Variants in FOXRED1 observed in about 807,000 individuals in gnomAD.
The protein encoded by FOXRED1 is FAD-dependent oxidoreductase domain-containing protein 1.
Under a neutral mutation model 57.8 loss-of-function variants are expected in FOXRED1, and 52 were observed. That is an observed-to-expected ratio of 0.90 (90% CI 0.72 to 1.13). The LOEUF is 1.13. FOXRED1 is among the 50% of genes most tolerant of loss of function. The pLI is 0.00. For synonymous variants in FOXRED1, 271 were observed against 248.3 expected (o/e 1.09, Z -0.86); for missense variants, 589 against 625.2 (o/e 0.94, Z 0.62).
chr11:126,269,680 A>G (rs888842678), intron 1 of FOXRED1, among the ~76,000 whole-genome samples: 2 of 152,084 alleles, frequency 1.3e-5, no homozygotes, highest in Admixed American at 6.5e-5. Flanking sequence ...GAAAATTTCA[A>G]TAGACAGTAG....
At chr11:126,276,651 G>A (rs1951157159) in intron 9 of FOXRED1, 128 bp downstream of exon 9, 6 of 988,158 alleles carry the variant, frequency 6.1e-6, no homozygotes, top group Non-Finnish European at 7.7e-6. Context: ...CAAGGCAGGT[G>A]GATCACCTGA....
rs760417338 is a variant in FOXRED1, at chr11:126,271,494, G to A, written c.143G>A (p.Arg48Lys). The part of the protein sequence containing the change: ...KKKIKSILPG[R>K]SCDLLQDTSH... ...AAGATCAAGTCGATCCTGCCTGGAA[G>A]GTCCTGTGATCTACTGCAAGACACC... Residue 48 changes from arginine (R) to lysine (K), a missense_variant, in exon 2 of 11, where the codon AGG (arginine) becomes AAG (lysine). Transcript: ENST00000263578. The surrounding 1 kb of genome is among the most constrained non-coding windows in gnomAD (Gnocchi z 5.3). The A allele has an allele frequency of 4.3e-6, 7 of 1,614,102 alleles. No individual in the cohort carries two copies. In the Admixed American group the frequency reaches 1.0e-4, roughly 23 times the overall value.
Position 126,271,723 on chromosome 11 carries a change from C to G in FOXRED1, c.306+66C>G, listed in dbSNP as rs762604255. 3.3e-4 allele frequency: 427 copies of G among 1,305,548 alleles called. 1 individual carries two copies. The highest frequency in any genetic ancestry group is 2.3e-4 in the Non-Finnish European group (204 of 905,542). 80.9% of individuals were successfully genotyped at this position (1,305,548 alleles called of 1,614,324 possible). ...AAGATGACTCATTTTATTAAGGACT[C>G]TAGCGACAAGGGAAGGAGAGGAGGG... On this transcript the variant is annotated intron_variant, in intron 2 of 10. Coordinates refer to ENST00000263578, the MANE Select transcript of FOXRED1 (RefSeq NM_017547.4). This position sits in a 1 kb window ranked among gnomAD's most constrained non-coding sequence, Gnocchi z 5.3.
rs755681660 is a variant in FOXRED1, at chr11:126,273,320, T to C, written c.418-16T>C. ...CCTTAAGTCAGTTTCTTTCAGGAGC[T>C]TCTGTCTGCACACAGGAGTACCTGG... On this transcript the variant is annotated splice_polypyrimidine_tract_variant and intron_variant, in intron 3 of 10. Coordinates refer to ENST00000263578, the MANE Select transcript of FOXRED1 (RefSeq NM_017547.4). The surrounding 1 kb of genome is among the most constrained non-coding windows in gnomAD (Gnocchi z 5.9). The C allele has an allele frequency of 2.1e-5, 33 of 1,575,184 alleles. 1 individual carries two copies. In the Admixed American group the frequency reaches 5.5e-4, roughly 26 times the overall value.
Position 126,271,540 on chromosome 11 carries a change from C to T in FOXRED1, c.189C>T (p.His63=). The part of the protein sequence containing the change: ...LQDTSHLPPE[H]SDVVIVGGGV... The stretch of plus-strand genomic sequence containing the variant: ...ACACCAGCCACCTGCCTCCCGAGCA[C>T]TCGGATGTGGTGATCGTGGGAGGTG... Residue 63 remains histidine, a synonymous_variant, in exon 2 of 11, where the codon CAC becomes CAT. Coordinates refer to ENST00000263578, the MANE Select transcript of FOXRED1 (RefSeq NM_017547.4). The surrounding 1 kb of genome is among the most constrained non-coding windows in gnomAD (Gnocchi z 5.3). 1 of 1,614,204 alleles carries T rather than the reference C, an allele frequency of 6.2e-7. No individual in the cohort carries two copies. The highest frequency in any genetic ancestry group is 8.5e-7 in the Non-Finnish European group (1 of 1,180,028).
Position 126,269,327 on chromosome 11 carries a change from G to C in FOXRED1, c.85+36G>C, listed in dbSNP as rs566573657. On this transcript the variant is annotated intron_variant, in intron 1 of 10. Transcript: ENST00000263578. ...GGACGACAGAGGGTATTGTGGTTCT[G>C]GGTTGTCCCCAACCTCCGACTGTGT... The C allele has an allele frequency of 1.4e-5, 23 of 1,613,988 alleles. No individual in the cohort carries two copies. The South Asian group carries it at 2.5e-4, about 18-fold the overall frequency.
chr11:126,276,101 G>A lies in FOXRED1; in HGVS notation c.853G>A (p.Ala285Thr). 13 of 1,612,798 alleles carry A rather than the reference G, an allele frequency of 8.1e-6. No individual in the cohort carries two copies. The highest frequency in any genetic ancestry group is 1.1e-5 in the South Asian group (1 of 91,056). The change falls in exon 8 of 11, where the codon GCC becomes ACC. Residue 285 changes from alanine to threonine, a missense_variant. Physicochemically the swap from Ala to Thr is moderately conservative, Grantham distance 58 (BLOSUM62 0). Coordinates refer to ENST00000263578, the MANE Select transcript of FOXRED1 (RefSeq NM_017547.4). ...RSLEYQPVEC[A>T]IVINAAGAWS... ...CCTGGAGTACCAGCCTGTGGAATGCGCCATTGTGATCAACGCAGCCGGAGC... is the reference window on the plus strand; with the variant it reads ...CCTGGAGTACCAGCCTGTGGAATGCACCATTGTGATCAACGCAGCCGGAGC...
In FOXRED1 at chr11:126,271,887, T is replaced by G. The variant is rs1009612636; in HGVS notation, c.306+230T>G. On this transcript the variant is annotated intron_variant, in intron 2 of 10. Coordinates refer to ENST00000263578, the MANE Select transcript of FOXRED1 (RefSeq NM_017547.4). The surrounding 1 kb of genome is among the most constrained non-coding windows in gnomAD (Gnocchi z 5.3). ...TCTTTTGAAAGCAGATATCACCATATTGGATTTTTCGAGATCTCATAGCTC... is the reference window on the plus strand; with the variant it reads ...TCTTTTGAAAGCAGATATCACCATAGTGGATTTTTCGAGATCTCATAGCTC... 5 of 541,530 alleles carry G rather than the reference T, an allele frequency of 9.2e-6. No homozygotes were observed. Among genetic ancestry groups the G allele is most frequent in the African/African-American group, 7.6e-5 (4 of 52,746 alleles). 33.5% of individuals were successfully genotyped at this position (541,530 alleles called of 1,614,324 possible).
rs1400137510 is a variant in FOXRED1, at chr11:126,275,497, C to T, written c.733+69C>T. On this transcript the variant is annotated intron_variant, in intron 6 of 10. Coordinates refer to ENST00000263578, the MANE Select transcript of FOXRED1 (RefSeq NM_017547.4). This position sits in a 1 kb window ranked among gnomAD's most constrained non-coding sequence, Gnocchi z 5.9. ...AGACTAGGTCTTATCTTCTCACTCA[C>T]AAGCTAAGCAAGGGCTGGAGGGGGA... The T allele has an allele frequency of 3.5e-6, 4 of 1,131,552 alleles. No individual in the cohort carries two copies. Among genetic ancestry groups the T allele is most frequent in the Non-Finnish European group, 5.4e-6 (4 of 741,456 alleles). 70.1% of individuals were successfully genotyped at this position (1,131,552 alleles called of 1,614,324 possible).
chr11:126,274,733 C>A lies in FOXRED1; in HGVS notation c.537-194C>A. The A allele has an allele frequency of 1.6e-6, 1 of 635,164 alleles. No individual in the cohort carries two copies. The highest frequency in any genetic ancestry group is 2.9e-6 in the Non-Finnish European group (1 of 347,048). The allele number at this position is 635,164 out of a possible 1,614,324, so 39.3% of individuals were successfully genotyped here. A position where few individuals can be genotyped will look rare whatever the true frequency, so the allele number is the denominator to read the frequency against. ...AGACAAGGGAGTAGGGAAGGAAAGGCAGTCAAGGCTGAAGAGCCTGACTAG... is the reference window on the plus strand; with the variant it reads ...AGACAAGGGAGTAGGGAAGGAAAGGAAGTCAAGGCTGAAGAGCCTGACTAG... On this transcript the variant is annotated intron_variant, in intron 4 of 10. Transcript: ENST00000263578. The surrounding 1 kb of genome is among the most constrained non-coding windows in gnomAD (Gnocchi z 4.8).
At position 126,275,104 on chromosome 11, in the gene FOXRED1, C is replaced by T; in HGVS notation, c.631+83C>T. On this transcript the variant is annotated intron_variant, in intron 5 of 10. Transcript: ENST00000263578. This position sits in a 1 kb window ranked among gnomAD's most constrained non-coding sequence, Gnocchi z 5.9. ...CTACACGTTGGGAGTCTCGGTACTC[C>T]ACAGCCAAGCTGAAGGAGGAACACT... 1.0e-6 allele frequency: 1 copy of T among 960,762 alleles called. No individual in the cohort carries two copies. 59.5% of individuals were successfully genotyped at this position (960,762 alleles called of 1,614,324 possible).
chr11:126,274,585 T>G lies in FOXRED1; in HGVS notation c.537-342T>G, dbSNP rs1591551162. On this transcript the variant is annotated intron_variant, in intron 4 of 10. Transcript: ENST00000263578. This position sits in a 1 kb window ranked among gnomAD's most constrained non-coding sequence, Gnocchi z 4.8. ...ATCGCTTGAACCCGGGAGGAGGAGG[T>G]TGCAGTGAGCCAAGATCGCGCCACT... is the stretch of plus-strand genomic sequence containing the variant. The G allele has an allele frequency of 6.4e-6, 2 of 313,156 alleles. No individual in the cohort carries two copies. Among genetic ancestry groups the G allele is most frequent in the Admixed American group, 4.0e-5 (1 of 24,766 alleles). The allele number at this position is 313,156 out of a possible 1,614,324, so 19.4% of individuals were successfully genotyped here. A position where few individuals can be genotyped will look rare whatever the true frequency, so the allele number is the denominator to read the frequency against.
At position 126,276,074 on chromosome 11, in the gene FOXRED1, A is replaced by C. The variant is rs374968241; in HGVS notation, c.826A>C (p.Ser276Arg). 1 of 1,612,702 alleles carries C rather than the reference A, an allele frequency of 6.2e-7. No individual in the cohort carries two copies. Among genetic ancestry groups the C allele is most frequent in the Non-Finnish European group, 8.5e-7 (1 of 1,180,024 alleles). ...GTGTCTGCAGGTGAAGATGGACCGC[A>C]GCCTGGAGTACCAGCCTGTGGAATG... ...IHEVHVKMDR[S>R]LEYQPVECAI... The change falls in exon 8 of 11, where the codon AGC becomes CGC. Residue 276 changes from serine (S) to arginine (R), a missense_variant. Physicochemically the swap from Ser to Arg is moderately radical, Grantham distance 110. Coordinates refer to ENST00000263578, the MANE Select transcript of FOXRED1 (RefSeq NM_017547.4).
rs576091185 is a variant in FOXRED1 at position 126,272,567 on chromosome 11, C to G, written c.307-402C>G. On this transcript the variant is annotated intron_variant, in intron 2 of 10. Coordinates refer to ENST00000263578, the MANE Select transcript of FOXRED1 (RefSeq NM_017547.4). This position sits in a 1 kb window ranked among gnomAD's most constrained non-coding sequence, Gnocchi z 4.6. ...TCGGCCTCCCAAAGTGCTGGGATTA[C>G]AGGCATGAGCCACCCACCCGGCTGG... is the stretch of plus-strand genomic sequence containing the variant. 2.4e-5 allele frequency: 7 copies of G among 292,098 alleles called. No individual in the cohort carries two copies. The East Asian group carries it at 6.2e-4, about 26-fold the overall frequency. The allele number at this position is 292,098 out of a possible 1,614,324, so 18.1% of individuals were successfully genotyped here.
At position 126,269,243 on chromosome 11, in the gene FOXRED1, G is replaced by A. The variant is rs1322611312; in HGVS notation, c.37G>A (p.Gly13Ser). The A allele has an allele frequency of 3.7e-6, 6 of 1,614,084 alleles. No individual in the cohort carries two copies. The African/African-American group carries it at 4.0e-5, about 11-fold the overall frequency. The change falls in exon 1 of 11, where the codon GGC (glycine) becomes AGC (serine). Residue 13 changes from glycine to serine, a missense_variant. Gly to Ser is a moderately conservative substitution (Grantham distance 56). Coordinates refer to ENST00000263578, the MANE Select transcript of FOXRED1 (RefSeq NM_017547.4). Reference protein sequence around the residue: ...RRVLPHGMGRGLLTRRPGTRR... With the variant: ...RRVLPHGMGRSLLTRRPGTRR... ...GGTTCTGCCGCACGGCATGGGCCGG[G>A]GCCTCTTGACCCGGAGGCCAGGCAC... is the stretch of plus-strand genomic sequence containing the variant.
At position 126,274,891 on chromosome 11, in the gene FOXRED1, C is replaced by A; in HGVS notation, c.537-36C>A. The A allele has an allele frequency of 7.9e-7, 1 of 1,261,502 alleles. No individual in the cohort carries two copies. Among genetic ancestry groups the A allele is most frequent in the African/African-American group, 1.5e-5 (1 of 68,272 alleles). 78.1% of individuals were successfully genotyped at this position (1,261,502 alleles called of 1,614,324 possible). On this transcript the variant is annotated intron_variant, in intron 4 of 10. Transcript: ENST00000263578. The surrounding 1 kb of genome is among the most constrained non-coding windows in gnomAD (Gnocchi z 4.8). ...ATCATCCCCCTGCACACTCCCCTCTCTGACACACATACACCGACCCACACG... is the reference window on the plus strand; with the variant it reads ...ATCATCCCCCTGCACACTCCCCTCTATGACACACATACACCGACCCACACG...
In FOXRED1 at chr11:126,274,720, A is replaced by G; in HGVS notation, c.537-207A>G. The stretch of plus-strand genomic sequence containing the variant: ...GTGTGCTGAAGGGAGACAAGGGAGT[A>G]GGGAAGGAAAGGCAGTCAAGGCTGA... On this transcript the variant is annotated intron_variant, in intron 4 of 10. Transcript: ENST00000263578. The surrounding 1 kb of genome is among the most constrained non-coding windows in gnomAD (Gnocchi z 4.8). 1 of 612,598 alleles carries G rather than the reference A, an allele frequency of 1.6e-6. No homozygotes were observed. The allele number at this position is 612,598 out of a possible 1,614,324, so 37.9% of individuals were successfully genotyped here.
rs1274929569 is a variant in FOXRED1, at chr11:126,276,182, C to T, written c.934C>T (p.Leu312=). The T allele has an allele frequency of 5.6e-6, 9 of 1,606,902 alleles. No individual in the cohort carries two copies. Among genetic ancestry groups the T allele is most frequent in the Middle Eastern group, 1.7e-4 (1 of 6,050 alleles). The change falls in exon 8 of 11, where the codon CTG becomes TTG. Residue 312 remains leucine (L), a synonymous_variant. Transcript: ENST00000263578. ...AGVGEGPPGT[L]QGTKLPVEPR... The stretch of plus-strand genomic sequence containing the variant: ...TGTTGGAGAGGGGCCGCCTGGCACC[C>T]TGCAGGGCACCAAGCTACCTGTGGA...
Position 126,277,607 on chromosome 11 carries a change from G to A in FOXRED1, c.1379G>A (p.Arg460Lys), listed in dbSNP as rs1261976469. 2 of 1,613,660 alleles carry A rather than the reference G, an allele frequency of 1.2e-6. No individual in the cohort carries two copies. The highest frequency in any genetic ancestry group is 1.7e-6 in the Non-Finnish European group (2 of 1,179,966). The change falls in exon 11 of 11, where the codon AGG becomes AAG. Residue 460 changes from arginine to lysine, a missense_variant. By Grantham distance (26) the Arg-to-Lys change is conservative. Coordinates refer to ENST00000263578, the MANE Select transcript of FOXRED1 (RefSeq NM_017547.4). The surrounding 1 kb of genome is among the most constrained non-coding windows in gnomAD (Gnocchi z 6.8). The part of the protein sequence containing the change: ...RAVAEMVLKG[R>K]FQTIDLSPFL... ...GTAGCAGAGATGGTACTGAAGGGCA[G>A]GTTCCAGACCATCGACCTGAGCCCC...
Sources: gnomAD v4.1 joint callset for allele counts (sites outside exome capture counted in the v4.1 genomes callset) on GRCh38, gnomAD v4.1.1 for gene constraint, Gnocchi (gnomAD v3.1) non-coding constraint, MANE v1.5 for transcripts, NCBI Gene and HGNC (gene_info 2026-07-23, HGNC 2026-07-21) for gene names.